MERTK: variants seen among roughly 807,000 people sequenced by gnomAD.
MERTK encodes the protein MER proto-oncogene, tyrosine kinase, also known as tyrosine-protein kinase Mer.
A neutral mutation model predicts 99.3 loss-of-function variants in MERTK; 69 were observed. That is an observed-to-expected ratio of 0.70 (90% CI 0.57 to 0.85). The LOEUF is 0.85. Ranked by LOEUF, MERTK falls within the 40% of genes least tolerant of loss-of-function variation. MERTK has a pLI of 0.00. For missense variants in MERTK, 1,125 were observed against 1,249.4 expected (o/e 0.90, Z 1.50); for synonymous variants, 426 against 467.6 (o/e 0.91, Z 1.15).
chr2:111,901,228 T>A (rs1374785083), intron 1 of MERTK, among the ~76,000 whole-genome samples: 2 of 152,172 alleles, frequency 1.3e-5, no homozygotes, highest in Admixed American at 1.3e-4. Flanking sequence ...AAGATAAATA[T>A]AAATGTGGAT....
chr2:111,953,262 T>A (rs1398742756), intron 4 of MERTK, among the ~76,000 whole-genome samples: 3 of 152,212 alleles, frequency 2.0e-5, no homozygotes, highest in African/African-American at 7.2e-5. Context: ...GACAAATGTG[T>A]CTGTAAATGA....
At chr2:112,026,175 G>A (rs1677456563) in intron 18 of MERTK, 1 of 154,388 alleles carries the variant, frequency 6.5e-6, no homozygotes, top group South Asian at 2.0e-4. Context: ...CGATGAAATT[G>A]CCCATTTGTG....
At chr2:111,975,213 G>A (rs531000265) in intron 6 of MERTK, 76 bp from the exon 7 acceptor site, 67 of 1,418,774 alleles carry the variant, frequency 4.7e-5, no homozygotes, top group African/African-American at 5.6e-5. Context: ...CACGTGCACC[G>A]AATGCACACA....
Position 111,994,372 on chromosome 2 carries a change from G to T in MERTK, c.1418G>T (p.Ser473Ile). Residue 473 changes from serine to isoleucine, a missense_variant, in exon 9 of 19, where the codon AGT becomes ATT. Coordinates refer to ENST00000295408, the MANE Select transcript of MERTK (RefSeq NM_006343.3). ...ACCAGAGGGGGAGTTGGGCCCTTCA[G>T]TGATCCAGTGAAAATATTTATCCCT... is the stretch of plus-strand genomic sequence containing the variant. ...AVTRGGVGPF[S>I]DPVKIFIPAH... 6.2e-7 allele frequency: 1 copy of T among 1,614,208 alleles called. No individual in the cohort carries two copies. Among genetic ancestry groups the T allele is most frequent in the African/African-American group, 1.3e-5 (1 of 75,054 alleles).
intron 1 of MERTK, among the ~76,000 whole-genome samples, chr2:111,925,020 G>T (rs1015020675): frequency 1.3e-5 from 2 of 151,798 alleles, no homozygotes; most frequent in Non-Finnish European, 2.9e-5. Flanking sequence ...CTAACCTGGG[G>T]GTGCTAACTA....
chr2:111,983,080 T>A lies in MERTK; in HGVS notation c.1296+87T>A, dbSNP rs1573618964. 1.2e-5 allele frequency: 18 copies of A among 1,513,202 alleles called. No homozygotes were observed. The East Asian group carries it at 4.1e-4, about 34-fold the overall frequency. 93.7% of individuals were successfully genotyped at this position (1,513,202 alleles called of 1,614,324 possible). A position where few individuals can be genotyped will look rare whatever the true frequency, so the allele number is the denominator to read the frequency against. ...AGTTTTAGAAGCTTTCATTTGGTTTTGAAAAGACCTGGTGTGATTGAGTTA... is the reference window on the plus strand; with the variant it reads ...AGTTTTAGAAGCTTTCATTTGGTTTAGAAAAGACCTGGTGTGATTGAGTTA... On this transcript the variant is annotated intron_variant, in intron 8 of 18. Transcript: ENST00000295408.
chr2:111,975,183 C>G, intron 6 of MERTK, 106 bp from the exon 7 acceptor site: 1 of 1,066,776 alleles, frequency 9.4e-7, no homozygotes, highest in Non-Finnish European at 1.5e-6. Flanking sequence ...AGGTCCTTCC[C>G]CTTAGCGTAG....
chr2:111,989,601 C>T lies in MERTK; in HGVS notation c.1297-4650C>T, dbSNP rs6708979. On this transcript the variant is annotated intron_variant, in intron 8 of 18. Coordinates refer to ENST00000295408, the MANE Select transcript of MERTK (RefSeq NM_006343.3). ...TGATCTCCTGACCTCGTGATCCACC[C>T]GCCTCGGCCTCCCAAAGTGCTGGGA... 2.2e-4 allele frequency among the ~76,000 whole-genome samples: 34 copies of T among 152,186 alleles called. 1 individual carries two copies. Among genetic ancestry groups the T allele is most frequent in the African/African-American group, 7.7e-4 (32 of 41,526 alleles).
rs755766691 is a variant in MERTK, at chr2:112,003,072, CTA to C, written c.1691-18_1691-17del. 4 of 1,159,410 alleles carry C rather than the reference CTA, an allele frequency of 3.5e-6. No individual in the cohort carries two copies. Among genetic ancestry groups the C allele is most frequent in the Non-Finnish European group, 5.2e-6 (4 of 765,154 alleles). 71.8% of individuals were successfully genotyped at this position (1,159,410 alleles called of 1,614,324 possible). ...AACACGCTGACAATTTTTGTACATA[CTA>C]TGTTACTCCTTTTTCAGTACATAGC... On this transcript the variant is annotated intron_variant, in intron 11 of 18. Transcript: ENST00000295408.
In MERTK at chr2:111,985,359, G is replaced by A. The variant is rs538092364; in HGVS notation, c.1296+2366G>A. ...CCTTCCCACCTGGGAAAGGAAGAGA[G>A]TGGGGTATTGCTGCCTCCTTTTGTG... On this transcript the variant is annotated intron_variant, in intron 8 of 18. Transcript: ENST00000295408. 1.2e-4 allele frequency among the ~76,000 whole-genome samples: 18 copies of A among 152,280 alleles called. No homozygotes were observed. In the South Asian group the frequency reaches 3.7e-3, roughly 32 times the overall value.
intron 4 of MERTK, among the ~76,000 whole-genome samples, chr2:111,964,400 C>T (rs1546637): frequency 0.43 from 37,997 of 88,426 alleles, 5,425 homozygotes; most frequent in East Asian, 0.77. Context: ...TGTGTGTGTG[C>T]GCGCGCGCAC....
chr2:111,977,681 A>G (rs1207648315), intron 7 of MERTK, among the ~76,000 whole-genome samples: 2 of 152,134 alleles, frequency 1.3e-5, no homozygotes, highest in Non-Finnish European at 2.9e-5. Context: ...GACTCCAGTT[A>G]CATATATATT....
Position 112,028,959 on chromosome 2 carries a change from A to G in MERTK, c.*95A>G. On this transcript the variant is annotated 3_prime_UTR_variant, in exon 19 of 19. Coordinates refer to ENST00000295408, the MANE Select transcript of MERTK (RefSeq NM_006343.3). ...GATGTTTTTGGTATTTGTCTTCCTT[A>G]CCAAGTGAACTCCATGGCCCCAAAG... 6.2e-7 allele frequency: 1 copy of G among 1,604,228 alleles called. No homozygotes were observed.
At chr2:112,004,008 A>G (rs1295608834) in intron 13 of MERTK, 24 bp downstream of exon 13, 2 of 1,591,466 alleles carry the variant, frequency 1.3e-6, no homozygotes, top group Non-Finnish European at 8.6e-7. Flanking sequence ...GATGAATCCC[A>G]TTCTTCTAGG....
At chr2:111,965,440 C>T (rs541646126) in intron 5 of MERTK, among the ~76,000 whole-genome samples, 163 bp downstream of exon 5, 14 of 152,268 alleles carry the variant, frequency 9.2e-5, no homozygotes, top group South Asian at 4.1e-4. Flanking sequence ...TCAGGGTTCC[C>T]CTCTGAAAAG....
At chr2:112,005,449 T>C (rs935060240) in intron 13 of MERTK, among the ~76,000 whole-genome samples, 10 of 152,216 alleles carry the variant, frequency 6.6e-5, no homozygotes, top group African/African-American at 2.2e-4. Context: ...GGGCAGGTTG[T>C]GCTGGGCTTC....
intron 8 of MERTK, among the ~76,000 whole-genome samples, chr2:111,991,611 A>T (rs1417360293): frequency 6.6e-6 from 1 of 152,178 alleles, no homozygotes. Flanking sequence ...AACAAAAAAA[A>T]GTCTATGGCA....
At chr2:111,916,294 T>C (rs1464342260) in intron 1 of MERTK, among the ~76,000 whole-genome samples, 2 of 152,062 alleles carry the variant, frequency 1.3e-5, no homozygotes, top group Non-Finnish European at 1.5e-5. Flanking sequence ...CGCCTGGCCC[T>C]TCAAGTTCCC....
chr2:111,972,408 G>A (rs982713235), intron 6 of MERTK, among the ~76,000 whole-genome samples: 1 of 152,166 alleles, frequency 6.6e-6, no homozygotes, highest in Non-Finnish European at 1.5e-5. Context: ...ACCTTGAGAC[G>A]GCAGGTCTCA....
Sources: allele counts gnomAD v4.1 joint callset (sites outside exome capture counted in the v4.1 genomes callset), GRCh38; gene constraint gnomAD v4.1.1; transcripts MANE v1.5; gene names NCBI Gene and HGNC (gene_info 2026-07-23, HGNC 2026-07-21).